RAB38: variants seen among roughly 807,000 people sequenced by gnomAD.
RAB38 encodes the protein RAB38, member RAS oncogene family.
RAB38 carries 15 observed loss-of-function variants against 18.4 expected under a neutral mutation model. The ratio of observed to expected loss-of-function variants is 0.82; its 90% CI spans 0.55 to 1.26. The LOEUF (loss-of-function observed/expected upper bound fraction) is 1.26. RAB38 is among the 50% of genes most tolerant of loss of function. RAB38 has a pLI of 0.00. For synonymous variants in RAB38, 101 were observed against 104.4 expected, an observed-to-expected ratio of 0.97 and a Z score of 0.20; for missense variants, 294 against 267.4, an observed-to-expected ratio of 1.10 and a Z score of -0.69.
the RAB38 span, among the ~76,000 whole-genome samples, chr11:87,885,945 G>C: frequency 6.6e-6 from 1 of 152,084 alleles, no homozygotes; most frequent in South Asian, 2.1e-4. Context: ...CTGGTATTCT[G>C]TTGGGAGAAA....
chr11:87,806,517 A>G, the RAB38 span, among the ~76,000 whole-genome samples: 1 of 152,224 alleles, frequency 6.6e-6, no homozygotes, highest in Non-Finnish European at 1.5e-5. Flanking sequence ...CTGGTTCAAC[A>G]TATGAATTTT....
chr11:87,829,179 G>A, the RAB38 span, among the ~76,000 whole-genome samples: 1 of 152,166 alleles, frequency 6.6e-6, no homozygotes, highest in Non-Finnish European at 1.5e-5. Context: ...GATTAGAAAG[G>A]CAAGTAACTA....
the RAB38 span, among the ~76,000 whole-genome samples, chr11:87,975,659 T>C: frequency 6.6e-6 from 1 of 151,832 alleles, no homozygotes; most frequent in Non-Finnish European, 1.5e-5. Context: ...AAACATGGAT[T>C]AAATGAAATT....
chr11:88,071,071 A>G, the RAB38 span, among the ~76,000 whole-genome samples: 245 of 152,198 alleles, frequency 1.6e-3, no homozygotes, highest in Non-Finnish European at 3.0e-3. Context: ...ATGAGCTTCA[A>G]CTAGATGCTC....
the RAB38 span, among the ~76,000 whole-genome samples, chr11:88,015,013 A>G: frequency 6.6e-6 from 1 of 151,680 alleles, no homozygotes; most frequent in Admixed American, 6.6e-5. Flanking sequence ...TAATAGATCG[A>G]CCTTAAAATC....
At chr11:87,903,333 A>G in the RAB38 span, among the ~76,000 whole-genome samples, 11 of 151,556 alleles carry the variant, frequency 7.3e-5, no homozygotes, top group East Asian at 2.1e-3. Context: ...TTATATAATT[A>G]TTTTATTCAC....
chr11:88,112,077 T>C (rs1414910372), downstream of RAB38, among the ~76,000 whole-genome samples: 1 of 152,258 alleles, frequency 6.6e-6, no homozygotes, highest in Non-Finnish European at 1.5e-5. Flanking sequence ...ATGAAAGTAT[T>C]TCCTCATATA....
the RAB38 span, chr11:88,050,254 G>C: frequency 5.1e-4 from 77 of 152,300 alleles, 1 homozygote; most frequent in African/African-American, 1.7e-3. Context: ...GTACCCATGA[G>C]AGAGGTTTGT....
At chr11:87,856,689 T>G in the RAB38 span, among the ~76,000 whole-genome samples, 12 of 151,994 alleles carry the variant, frequency 7.9e-5, no homozygotes, top group Non-Finnish European at 4.4e-5. Context: ...AACCACTGCT[T>G]CTTCTTCTTC....
chr11:88,171,531 T>C (rs1005441760), intron 1 of RAB38, among the ~76,000 whole-genome samples: 9 of 152,256 alleles, frequency 5.9e-5, no homozygotes, highest in Non-Finnish European at 1.3e-4. Context: ...TGAAGTGCTC[T>C]GTTTTCAAAT....
At chr11:88,039,544 G>A in the RAB38 span, among the ~76,000 whole-genome samples, 1 of 152,016 alleles carries the variant, frequency 6.6e-6, no homozygotes, top group Admixed American at 6.6e-5. Context: ...GGAGAGGGAG[G>A]GATTAAGAGC....
the RAB38 span, among the ~76,000 whole-genome samples, chr11:88,039,667 C>A: frequency 6.6e-6 from 1 of 152,108 alleles, no homozygotes; most frequent in Non-Finnish European, 1.5e-5. Context: ...GGAAGGAGAG[C>A]CTGACTGGCG....
chr11:87,906,650 G>C, the RAB38 span, among the ~76,000 whole-genome samples: 1 of 151,856 alleles, frequency 6.6e-6, no homozygotes, highest in Admixed American at 6.6e-5. Flanking sequence ...TACACAATAA[G>C]AATTATCTGC....
At chr11:88,046,601 A>T in the RAB38 span, among the ~76,000 whole-genome samples, 1 of 152,010 alleles carries the variant, frequency 6.6e-6, no homozygotes, top group Non-Finnish European at 1.5e-5. Context: ...TTTCTTCCTC[A>T]TCTGTTACCT....
At chr11:88,027,176 T>C in the RAB38 span, among the ~76,000 whole-genome samples, 2 of 152,204 alleles carry the variant, frequency 1.3e-5, no homozygotes, top group Non-Finnish European at 2.9e-5. Context: ...TTTTAAATTG[T>C]GGTGCATATT....
the RAB38 span, among the ~76,000 whole-genome samples, chr11:87,814,234 A>G: frequency 8.0e-4 from 122 of 152,242 alleles, no homozygotes; most frequent in African/African-American, 2.8e-3. Flanking sequence ...ATCCATGTTG[A>G]TGAGGATTAA....
chr11:87,944,961 T>C, the RAB38 span, among the ~76,000 whole-genome samples: 1 of 152,294 alleles, frequency 6.6e-6, no homozygotes, highest in South Asian at 2.1e-4. Flanking sequence ...TTTAAACCTT[T>C]GTTTTCTGTT....
chr11:87,952,332 T>G, the RAB38 span, among the ~76,000 whole-genome samples: 1 of 152,218 alleles, frequency 6.6e-6, no homozygotes, highest in African/African-American at 2.4e-5. Flanking sequence ...GCAGTAAATT[T>G]TAGGACATTC....
intron 2 of RAB38, among the ~76,000 whole-genome samples, chr11:88,122,161 G>A (rs1369699032): frequency 6.6e-6 from 1 of 152,058 alleles, no homozygotes; most frequent in Non-Finnish European, 1.5e-5. Context: ...GGCAGACACA[G>A]CTCTTGAGTC....
Sources: allele counts gnomAD v4.1 joint callset (sites outside exome capture counted in the v4.1 genomes callset), GRCh38; gene constraint gnomAD v4.1.1; transcripts MANE v1.5; gene names NCBI Gene and HGNC (gene_info 2026-07-23, HGNC 2026-07-21).